CDH18: variants seen among roughly 807,000 people sequenced by gnomAD.
CDH18 encodes cadherin-18.
CDH18 carries 31 observed loss-of-function variants against 67.9 expected under a neutral mutation model. The observed-to-expected ratio is 0.46, with a 90% CI of 0.34 to 0.62. The LOEUF is 0.62. CDH18 is among the 20% of genes least tolerant of loss of function. The probability of loss-of-function intolerance (pLI) is 0.01; values close to 1 mark genes in which losing one functional copy is unlikely to be tolerated. For missense variants in CDH18, 890 were observed against 975.5 expected, an observed-to-expected ratio of 0.91 and a Z score of 1.17; for synonymous variants, 362 against 347.2, an observed-to-expected ratio of 1.04 and a Z score of -0.48.
intron 3 of CDH18, among the ~76,000 whole-genome samples, chr5:19,797,520 C>G (rs1414778116): frequency 6.6e-6 from 1 of 151,922 alleles, no homozygotes. Context: ...GATAGAAGAT[C>G]ATCAAACACA....
intron 2 of CDH18, among the ~76,000 whole-genome samples, chr5:19,919,495 T>A (rs991590418): frequency 6.6e-6 from 1 of 152,160 alleles, no homozygotes; most frequent in African/African-American, 2.4e-5. Context: ...TAACGTCGGG[T>A]AGCTACTATC....
At chr5:19,650,903 C>T (rs910792909) in intron 5 of CDH18, among the ~76,000 whole-genome samples, 1 of 151,814 alleles carries the variant, frequency 6.6e-6, no homozygotes, top group African/African-American at 2.4e-5. Context: ...TAATTTTGTT[C>T]CAGTTCTAGT....
intron 1 of CDH18, among the ~76,000 whole-genome samples, chr5:20,412,797 A>T (rs1017292805): frequency 1.3e-5 from 2 of 152,168 alleles, no homozygotes; most frequent in Admixed American, 1.3e-4. Context: ...ATCTCACATC[A>T]GTCAAATTGG....
intron 2 of CDH18, among the ~76,000 whole-genome samples, chr5:19,888,025 T>C (rs551625213): frequency 6.6e-6 from 1 of 152,268 alleles, no homozygotes; most frequent in Non-Finnish European, 1.5e-5. Context: ...TGGCAGTATT[T>C]GTATAGGTAG....
intron 1 of CDH18, among the ~76,000 whole-genome samples, chr5:20,313,674 C>T (rs1580729797): frequency 6.6e-6 from 1 of 151,880 alleles, no homozygotes; most frequent in Admixed American, 6.6e-5. Flanking sequence ...CTGAGTGCCT[C>T]CTTTTAGAGA....
chr5:19,572,217 G>A (rs1263051341), intron 7 of CDH18, among the ~76,000 whole-genome samples: 1 of 152,180 alleles, frequency 6.6e-6, no homozygotes, highest in Non-Finnish European at 1.5e-5. Context: ...GTGAAACTAA[G>A]ATGAACGGAT....
At chr5:19,539,474 C>T (rs1221777369) in intron 9 of CDH18, among the ~76,000 whole-genome samples, 1 of 152,048 alleles carries the variant, frequency 6.6e-6, no homozygotes, top group Non-Finnish European at 1.5e-5. Flanking sequence ...CTACTTAATT[C>T]AAATATTATT....
chr5:20,252,375 A>G (rs542771573), intron 2 of CDH18, among the ~76,000 whole-genome samples: 19 of 151,998 alleles, frequency 1.3e-4, no homozygotes, highest in Non-Finnish European at 2.1e-4. Flanking sequence ...AACAAAAAAA[A>G]AATCACTCAT....
intron 5 of CDH18, among the ~76,000 whole-genome samples, chr5:19,619,277 C>T (rs1051019076): frequency 1.3e-5 from 2 of 152,174 alleles, no homozygotes; most frequent in South Asian, 2.1e-4. Context: ...ATACAACTTA[C>T]GAAGTTGAAA....
intron 1 of CDH18, among the ~76,000 whole-genome samples, chr5:20,274,696 T>A (rs1390742728): frequency 6.6e-6 from 1 of 152,132 alleles, no homozygotes; most frequent in African/African-American, 2.4e-5. Context: ...ATATATATAT[T>A]TTGATACATG....
intron 2 of CDH18, among the ~76,000 whole-genome samples, chr5:19,998,778 G>T (rs1161800509): frequency 6.6e-6 from 1 of 152,072 alleles, no homozygotes; most frequent in Non-Finnish European, 1.5e-5. Flanking sequence ...ATGAAATAGA[G>T]GAGGCTGCCA....
intron 3 of CDH18, among the ~76,000 whole-genome samples, chr5:19,779,946 A>G (rs1292284100): frequency 1.3e-5 from 2 of 152,266 alleles, no homozygotes; most frequent in Middle Eastern, 3.4e-3. Flanking sequence ...GAATTAATAC[A>G]TGCTTCCATA....
chr5:20,566,571 T>C (rs1329887334), intron 1 of CDH18, among the ~76,000 whole-genome samples: 1 of 148,222 alleles, frequency 6.7e-6, no homozygotes. Flanking sequence ...GAGACAGGGT[T>C]TCACCATGTT....
chr5:19,735,877 A>T (rs1768252763), intron 4 of CDH18, among the ~76,000 whole-genome samples: 1 of 152,334 alleles, frequency 6.6e-6, no homozygotes, highest in East Asian at 1.9e-4. Context: ...CATACACTAA[A>T]CAAAACACTG....
At chr5:19,985,906 G>C (rs1799517061) in intron 1 of CDH18, among the ~76,000 whole-genome samples, 2 of 152,116 alleles carry the variant, frequency 1.3e-5, no homozygotes, top group Admixed American at 1.3e-4. Context: ...TGGTTGAAGT[G>C]TTACATGCAT....
chr5:20,110,862 T>C (rs1195750677), intron 2 of CDH18, among the ~76,000 whole-genome samples: 1 of 152,200 alleles, frequency 6.6e-6, no homozygotes, highest in East Asian at 1.9e-4. Context: ...ATTTATTTAT[T>C]CGTAGTAAAT....
intron 2 of CDH18, among the ~76,000 whole-genome samples, chr5:20,149,363 C>T (rs1409152829): frequency 6.6e-6 from 1 of 152,130 alleles, no homozygotes; most frequent in African/African-American, 2.4e-5. Flanking sequence ...TTTGAGACTT[C>T]AGTTTTCCTT....
intron 1 of CDH18, among the ~76,000 whole-genome samples, chr5:20,258,999 T>TTC (rs1744448438): frequency 1.3e-5 from 2 of 152,086 alleles, no homozygotes; most frequent in African/African-American, 4.8e-5. Flanking sequence ...TTGAGATACT[T>TTC]TATCACCCAC....
intron 3 of CDH18, among the ~76,000 whole-genome samples, chr5:19,760,307 T>G (rs1772162342): frequency 6.6e-6 from 1 of 152,092 alleles, no homozygotes. Flanking sequence ...TCACAAGGCT[T>G]TGGTCAAGGG....
Sources: allele counts gnomAD v4.1 joint callset (sites outside exome capture counted in the v4.1 genomes callset), GRCh38; gene constraint gnomAD v4.1.1; transcripts MANE v1.5; gene names NCBI Gene and HGNC (gene_info 2026-07-23, HGNC 2026-07-21).